AGMO: variants seen among roughly 807,000 people sequenced by gnomAD.
The protein encoded by AGMO is glyceryl-ether monooxygenase.
AGMO carries 75 observed loss-of-function variants against 60.2 expected under a neutral mutation model. That is an observed-to-expected ratio of 1.25 (90% CI 1.03 to 1.51). The LOEUF is 1.51. Ranked by LOEUF, AGMO falls within the 40% of genes most tolerant of loss-of-function variation. The pLI is 0.00. For missense variants in AGMO, 763 were observed against 525.5 expected (o/e 1.45, Z -4.42); for synonymous variants, 261 against 177.1 (o/e 1.47, Z -3.76).
intron 4 of AGMO, among the ~76,000 whole-genome samples, chr7:15,429,270 T>G (rs1323984011): frequency 6.6e-6 from 1 of 152,022 alleles, no homozygotes; most frequent in African/African-American, 2.4e-5. Context: ...GAAATAGGGT[T>G]GTTGTAGAAA....
At chr7:15,302,120 C>G (rs1780462630) in intron 12 of AGMO, among the ~76,000 whole-genome samples, 1 of 151,568 alleles carries the variant, frequency 6.6e-6, no homozygotes. Context: ...TAATAATTCA[C>G]AATCAAAACA....
intron 10 of AGMO, among the ~76,000 whole-genome samples, chr7:15,384,045 T>C (rs1052102564): frequency 1.3e-5 from 2 of 152,006 alleles, no homozygotes; most frequent in Non-Finnish European, 2.9e-5. Context: ...ACGTCATTCT[T>C]CTGCCTCAGC....
intron 3 of AGMO, among the ~76,000 whole-genome samples, chr7:15,482,874 G>T (rs1447248610): frequency 6.6e-6 from 1 of 152,062 alleles, no homozygotes; most frequent in South Asian, 2.1e-4. Context: ...AAAATTCAGG[G>T]AAAATAATAT....
Position 15,342,172 on chromosome 7 carries a change from T to TAAAAAAAAA in AGMO, c.1263+23333_1263+23341dup, listed in dbSNP as rs775057626. ...AGCTGAGAGTAGATACCCACAGAGT[T>TAAAAAAAAA]AAAAAAAAAAAAAAAAAAAAAAAAG... is the stretch of plus-strand genomic sequence containing the variant. On this transcript the variant is annotated intron_variant, in intron 12 of 12. Coordinates refer to ENST00000342526, the MANE Select transcript of AGMO (RefSeq NM_001004320.2). Among the ~76,000 whole-genome samples the TAAAAAAAAA allele has an allele frequency of 1.3e-3, 72 of 54,298 alleles. 5 individuals carry two copies. The highest frequency in any genetic ancestry group is 5.7e-3 in the African/African-American group (61 of 10,740). 35.6% of individuals were successfully genotyped at this position (54,298 alleles called of 152,430 possible).
rs71004386 is a variant in AGMO at position 15,493,362 on chromosome 7, C to CCCACAT, written c.409+51409_409+51410insATGTGG. On this transcript the variant is annotated intron_variant, in intron 3 of 12. Transcript: ENST00000342526. The stretch of plus-strand genomic sequence containing the variant: ...ACACACACACACACACACACACACA[C>CCCACAT]TTCTTTTTTTTTTTTTTTTTTTTTT... 7.8e-5 allele frequency among the ~76,000 whole-genome samples: 8 copies of CCCACAT among 102,256 alleles called. 3 individuals carry two copies. The highest frequency in any genetic ancestry group is 1.5e-4 in the Non-Finnish European group (8 of 54,670). The allele number at this position is 102,256 out of a possible 152,430, so 67.1% of individuals were successfully genotyped here.
intron 3 of AGMO, among the ~76,000 whole-genome samples, chr7:15,519,413 T>A (rs917486516): frequency 2.6e-5 from 4 of 152,014 alleles, no homozygotes; most frequent in Admixed American, 1.3e-4. Flanking sequence ...GAGAATAAGG[T>A]CGGGTTACCC....
chr7:15,225,825 A>G lies in AGMO; in HGVS notation c.1264-24466T>C, dbSNP rs376664973. 2.4e-3 allele frequency among the ~76,000 whole-genome samples: 358 copies of G among 152,158 alleles called. 18 individuals carry two copies. The South Asian group carries it at 0.072, about 31-fold the overall frequency. ...AAACACATTTTCTTAAATATTTAAGAGTTGATTAATCTGATAGATTCAAAT... is the reference window on the plus strand; with the variant it reads ...AAACACATTTTCTTAAATATTTAAGGGTTGATTAATCTGATAGATTCAAAT... On this transcript the variant is annotated intron_variant, in intron 12 of 12. Coordinates refer to ENST00000342526, the MANE Select transcript of AGMO (RefSeq NM_001004320.2).
intron 12 of AGMO, among the ~76,000 whole-genome samples, chr7:15,210,588 C>T (rs1339425130): frequency 6.6e-6 from 1 of 152,056 alleles, no homozygotes; most frequent in East Asian, 1.9e-4. Flanking sequence ...GGAATTGGAG[C>T]TTCAGTAATC....
chr7:15,505,586 T>C (rs1303767430), intron 3 of AGMO, among the ~76,000 whole-genome samples: 1 of 152,062 alleles, frequency 6.6e-6, no homozygotes, highest in Non-Finnish European at 1.5e-5. Context: ...CATTGGCCTC[T>C]ACTTTTTGTT....
intron 12 of AGMO, among the ~76,000 whole-genome samples, chr7:15,340,843 C>G (rs1028533998): frequency 1.3e-5 from 2 of 152,190 alleles, no homozygotes; most frequent in African/African-American, 4.8e-5. Context: ...AGAGTCCCCA[C>G]TGGGCACTGC....
At chr7:15,445,810 T>C (rs1216786083) in intron 3 of AGMO, among the ~76,000 whole-genome samples, 1 of 152,144 alleles carries the variant, frequency 6.6e-6, no homozygotes, top group African/African-American at 2.4e-5. Flanking sequence ...TCCTCACCTG[T>C]TCTTAAAATC....
intron 8 of AGMO, among the ~76,000 whole-genome samples, chr7:15,387,800 T>C (rs796217596): frequency 1.1e-4 from 17 of 152,250 alleles, no homozygotes; most frequent in African/African-American, 4.1e-4. Context: ...GGCAATTGTT[T>C]AGACAATCAG....
chr7:15,293,952 CAGA>C (rs148555800), intron 12 of AGMO, among the ~76,000 whole-genome samples: 5,859 of 152,116 alleles, frequency 0.039, 380 homozygotes, highest in African/African-American at 0.13. Context: ...TTGAATTTAA[CAGA>C]AGGTCTAAGT....
chr7:15,321,931 AATTT>A (rs1781120070), intron 12 of AGMO, among the ~76,000 whole-genome samples: 1 of 152,064 alleles, frequency 6.6e-6, no homozygotes, highest in Non-Finnish European at 1.5e-5. Flanking sequence ...TATTTAATAC[AATTT>A]TTTTCTTACT....
At chr7:15,328,783 C>G (rs1317309765) in intron 12 of AGMO, among the ~76,000 whole-genome samples, 2 of 152,124 alleles carry the variant, frequency 1.3e-5, no homozygotes, top group African/African-American at 2.4e-5. Flanking sequence ...CTGACATTGG[C>G]CAAGTCTCTC....
intron 3 of AGMO, among the ~76,000 whole-genome samples, chr7:15,454,922 A>T (rs1030978125): frequency 6.6e-6 from 1 of 152,104 alleles, no homozygotes; most frequent in African/African-American, 2.4e-5. Context: ...GCTTTGAACC[A>T]TTTTAGCTTC....
rs1008187543 is a variant in AGMO, at chr7:15,455,964, C to T, written c.410-24856G>A. On this transcript the variant is annotated intron_variant, in intron 3 of 12. Transcript: ENST00000342526. ...CCTTCCCTGAGGTCTCAGAAATTTT[C>T]TTAATGCATTTTTTTATGATATCCT... Among the ~76,000 whole-genome samples the T allele has an allele frequency of 2.0e-5, 3 of 152,030 alleles. No homozygotes were observed. The South Asian group carries it at 6.2e-4, about 31-fold the overall frequency.
At chr7:15,510,704 C>G (rs1783648818) in intron 3 of AGMO, among the ~76,000 whole-genome samples, 1 of 150,324 alleles carries the variant, frequency 6.7e-6, no homozygotes, top group Non-Finnish European at 1.5e-5. Flanking sequence ...AATACTGCAT[C>G]ATCTCACATG....
chr7:15,551,631 AAGG>A (rs1784963602), intron 2 of AGMO, among the ~76,000 whole-genome samples: 1 of 151,106 alleles, frequency 6.6e-6, no homozygotes, highest in African/African-American at 2.4e-5. Flanking sequence ...GGACCTCTTC[AAGG>A]AGAACTACAA....
Sources: allele counts gnomAD v4.1 joint callset (sites outside exome capture counted in the v4.1 genomes callset), GRCh38; gene constraint gnomAD v4.1.1; transcripts MANE v1.5; gene names NCBI Gene and HGNC (gene_info 2026-07-23, HGNC 2026-07-21).